Variants in DIP2C observed in about 807,000 individuals in gnomAD.
DIP2C encodes the protein disco-interacting protein 2 homolog C.
A neutral mutation model predicts 192.4 loss-of-function variants in DIP2C; 33 were observed. The ratio of observed to expected loss-of-function variants is 0.17; its 90% CI spans 0.13 to 0.23. The LOEUF is 0.23. DIP2C is among the 10% of genes least tolerant of loss of function. The pLI is 1.00. For missense variants in DIP2C, 1,537 were observed against 2,110.1 expected (o/e 0.73, Z 5.32); for synonymous variants, 979 against 864.1 (o/e 1.13, Z -2.33).
chr10:362,187 G>T (rs1366602732), intron 22 of DIP2C, among the ~76,000 whole-genome samples: 1 of 152,154 alleles, frequency 6.6e-6, no homozygotes, highest in Non-Finnish European at 1.5e-5. Flanking sequence ...TAGAAAGTGA[G>T]AGCACCGTGG....
At chr10:464,610 C>A (rs1372931392) in intron 3 of DIP2C, among the ~76,000 whole-genome samples, 1 of 152,144 alleles carries the variant, frequency 6.6e-6, no homozygotes. Context: ...ACCATTTGAT[C>A]AAGCAATCCC....
chr10:627,286 G>T (rs1049197265), intron 1 of DIP2C, among the ~76,000 whole-genome samples: 4 of 152,216 alleles, frequency 2.6e-5, no homozygotes, highest in African/African-American at 9.6e-5. Flanking sequence ...GCTGCTGTGG[G>T]TCGGGAAACC....
At chr10:300,636 G>C (rs1267883783) in intron 32 of DIP2C, among the ~76,000 whole-genome samples, 1 of 150,028 alleles carries the variant, frequency 6.7e-6, no homozygotes, top group Non-Finnish European at 1.5e-5. Flanking sequence ...GCGCGGCCCT[G>C]AGCGTGTGGA....
chr10:484,933 G>A (rs1184551787), intron 2 of DIP2C: 2 of 1,608,556 alleles, frequency 1.2e-6, no homozygotes, highest in Non-Finnish European at 1.7e-6. Flanking sequence ...CCGAACCACG[G>A]CAGCTCCATT....
intron 31 of DIP2C, among the ~76,000 whole-genome samples, chr10:318,910 CT>C (rs36067497): frequency 1.1e-4 from 16 of 146,730 alleles, no homozygotes; most frequent in Middle Eastern, 3.5e-3. Context: ...CCACATTTTT[CT>C]TTTTTTTTTT....
chr10:616,295 G>A (rs1279204151), intron 1 of DIP2C, among the ~76,000 whole-genome samples: 4 of 152,188 alleles, frequency 2.6e-5, no homozygotes, highest in African/African-American at 4.8e-5. Flanking sequence ...TTACGTTACA[G>A]ACAAGCATGA....
At position 388,333 on chromosome 10, in the gene DIP2C, G is replaced by C. The variant is rs182344098; in HGVS notation, c.1598-524C>G. 1.0e-3 allele frequency among the ~76,000 whole-genome samples: 155 copies of C among 152,306 alleles called. 1 individual carries two copies. The highest frequency in any genetic ancestry group is 3.4e-3 in the African/African-American group (143 of 41,574). ...GACTATGGGGGAGGGCTCTAAAAAG[G>C]TGCTAAAAGCTCGTGCTTGATGAGG... On this transcript the variant is annotated intron_variant, in intron 13 of 36. Transcript: ENST00000280886.
chr10:312,710 A>C (rs952065496), intron 31 of DIP2C, among the ~76,000 whole-genome samples: 23 of 152,214 alleles, frequency 1.5e-4, no homozygotes, highest in Admixed American at 8.5e-4. Context: ...TTATGTTTGA[A>C]AAAGAGAGGC....
At chr10:458,808 C>CTAG (rs1263949083) in intron 3 of DIP2C, among the ~76,000 whole-genome samples, 1 of 152,176 alleles carries the variant, frequency 6.6e-6, no homozygotes, top group Non-Finnish European at 1.5e-5. Flanking sequence ...ATGCCCTCTA[C>CTAG]ATTCCTGACT....
intron 1 of DIP2C, among the ~76,000 whole-genome samples, chr10:627,714 G>A (rs545099341): frequency 3.3e-5 from 5 of 152,366 alleles, no homozygotes; most frequent in South Asian, 2.1e-4. Context: ...GTTGAGGGCC[G>A]TGCACGCAAG....
chr10:515,074 AGTGTT>A (rs1280162126), intron 1 of DIP2C, among the ~76,000 whole-genome samples: 1 of 152,226 alleles, frequency 6.6e-6, no homozygotes, highest in Non-Finnish European at 1.5e-5. Context: ...TTTAACACTT[AGTGTT>A]ATCACTATTA....
At chr10:469,627 T>C (rs1970475132) in intron 3 of DIP2C, among the ~76,000 whole-genome samples, 2 of 152,132 alleles carry the variant, frequency 1.3e-5, no homozygotes, top group African/African-American at 4.8e-5. Context: ...CTGACAGATA[T>C]CTCTTAAGTA....
intron 1 of DIP2C, among the ~76,000 whole-genome samples, chr10:589,249 T>C (rs1851264303): frequency 1.3e-5 from 2 of 152,200 alleles, no homozygotes; most frequent in Admixed American, 1.3e-4. Context: ...GCCAGCTGCA[T>C]GATTTGTAGA....
chr10:565,570 C>T (rs1849422743), intron 1 of DIP2C, among the ~76,000 whole-genome samples: 1 of 152,126 alleles, frequency 6.6e-6, no homozygotes, highest in African/African-American at 2.4e-5. Flanking sequence ...ACTACTAACC[C>T]AACTTCACCT....
rs1965009344 is a variant in DIP2C, at chr10:409,081, G to A, written c.1058-64C>T. 2.6e-6 allele frequency: 4 copies of A among 1,555,118 alleles called. No homozygotes were observed. The South Asian group carries it at 4.6e-5, about 18-fold the overall frequency. ...CATACGGAGAGCACAGCTTCTGCAA[G>A]TCAAAGTCTAGGACATGAGTCCATT... On this transcript the variant is annotated intron_variant, in intron 8 of 36. Transcript: ENST00000280886.
chr10:498,340 C>T (rs959640225), intron 1 of DIP2C, among the ~76,000 whole-genome samples: 1 of 152,202 alleles, frequency 6.6e-6, no homozygotes, highest in Admixed American at 6.5e-5. Context: ...TGGGCTCTAA[C>T]AGGAGATGCC....
At chr10:303,792 G>A (rs911554655) in intron 32 of DIP2C, among the ~76,000 whole-genome samples, 1 of 152,114 alleles carries the variant, frequency 6.6e-6, no homozygotes, top group East Asian at 1.9e-4. Context: ...CAAAGTGCTG[G>A]GATTATAGGC....
intron 4 of DIP2C, among the ~76,000 whole-genome samples, chr10:428,119 C>T (rs187966393): frequency 1.2e-4 from 19 of 152,206 alleles, no homozygotes; most frequent in Admixed American, 4.6e-4. Context: ...GACTTCAAAA[C>T]AGGTGAAGGT....
intron 29 of DIP2C, among the ~76,000 whole-genome samples, chr10:331,892 T>C (rs555822332): frequency 5.4e-4 from 83 of 152,336 alleles, no homozygotes; most frequent in Non-Finnish European, 1.0e-3. Context: ...TGGTAAAACA[T>C]ATGTAACATA....
Sources: allele counts gnomAD v4.1 joint callset (sites outside exome capture counted in the v4.1 genomes callset), GRCh38; gene constraint gnomAD v4.1.1; transcripts MANE v1.5; gene names NCBI Gene and HGNC (gene_info 2026-07-23, HGNC 2026-07-21).